SIPA1L2: variants seen among roughly 807,000 people sequenced by gnomAD.
SIPA1L2 encodes signal induced proliferation associated 1 like 2, also known as signal-induced proliferation-associated 1-like protein 2.
Under a neutral mutation model 163.9 loss-of-function variants are expected in SIPA1L2, and 56 were observed. That is an observed-to-expected ratio of 0.34 (90% CI 0.28 to 0.43). The LOEUF is 0.43. Ranked by LOEUF, SIPA1L2 falls within the 20% of genes least tolerant of loss-of-function variation. The probability of loss-of-function intolerance (pLI) is 1.00; values close to 1 mark genes in which losing one functional copy is unlikely to be tolerated. For synonymous variants in SIPA1L2, 877 were observed against 865.7 expected, an observed-to-expected ratio of 1.01 and a Z score of -0.23; for missense variants, 1,974 against 2,193.5, an observed-to-expected ratio of 0.90 and a Z score of 2.00.
At chr1:232,598,964 A>C (rs1277312566) in intron 1 of SIPA1L2, among the ~76,000 whole-genome samples, 1 of 67,438 alleles carries the variant, frequency 1.5e-5, no homozygotes, top group Non-Finnish European at 3.1e-5. Flanking sequence ...TCTACCCCTC[A>C]AAAAAAAAAA....
intron 1 of SIPA1L2, among the ~76,000 whole-genome samples, chr1:232,618,412 T>G (rs1415380351): frequency 6.6e-6 from 1 of 152,130 alleles, no homozygotes; most frequent in African/African-American, 2.4e-5. Context: ...TCCCAGCACT[T>G]TAGGAGGCCA....
At chr1:232,627,559 T>C (rs74145311) in intron 1 of SIPA1L2, among the ~76,000 whole-genome samples, 5,272 of 152,076 alleles carry the variant, frequency 0.035, 281 homozygotes, top group African/African-American at 0.12. Context: ...TCCAAATCCA[T>C]ATTACACAGC....
At chr1:232,580,330 T>G (rs1238134370) in intron 1 of SIPA1L2, among the ~76,000 whole-genome samples, 2 of 152,170 alleles carry the variant, frequency 1.3e-5, no homozygotes, top group East Asian at 1.9e-4. Flanking sequence ...TTGGTGAGTT[T>G]TGGCAGCTTC....
intron 1 of SIPA1L2, among the ~76,000 whole-genome samples, chr1:232,580,717 T>C (rs1362258719): frequency 6.6e-6 from 1 of 152,110 alleles, no homozygotes; most frequent in African/African-American, 2.4e-5. Context: ...TAATCTTGCC[T>C]AGATGAGGAC....
intron 1 of SIPA1L2, among the ~76,000 whole-genome samples, chr1:232,624,298 A>C (rs1320731286): frequency 6.6e-6 from 1 of 152,188 alleles, no homozygotes; most frequent in Non-Finnish European, 1.5e-5. Flanking sequence ...AAGAATCAAA[A>C]CTATAATTCC....
intron 1 of SIPA1L2, among the ~76,000 whole-genome samples, chr1:232,609,582 G>C (rs1293612896): frequency 6.6e-6 from 1 of 152,132 alleles, no homozygotes; most frequent in Non-Finnish European, 1.5e-5. Flanking sequence ...TGTAATCTCA[G>C]CATTTTGGGA....
chr1:232,452,998 A>G (rs1356272717), intron 10 of SIPA1L2, among the ~76,000 whole-genome samples: 1 of 152,206 alleles, frequency 6.6e-6, no homozygotes, highest in Non-Finnish European at 1.5e-5. Flanking sequence ...TAAACTGCAA[A>G]AGGCACATAA....
At chr1:232,614,810 C>A (rs1431889273) in intron 1 of SIPA1L2, among the ~76,000 whole-genome samples, 1 of 152,218 alleles carries the variant, frequency 6.6e-6, no homozygotes, top group Non-Finnish European at 1.5e-5. Flanking sequence ...TTTATTTTAA[C>A]CAAGAGTTTT....
chr1:232,440,848 C>A (rs1547740), intron 14 of SIPA1L2, among the ~76,000 whole-genome samples: 10,027 of 152,224 alleles, frequency 0.066, 580 homozygotes, highest in Admixed American at 0.18. Context: ...ACCACGTGGG[C>A]GGTGCTCTAC....
chr1:232,454,867 T>A (rs1011799582), intron 10 of SIPA1L2, among the ~76,000 whole-genome samples: 19 of 152,212 alleles, frequency 1.2e-4, no homozygotes, highest in African/African-American at 4.6e-4. Context: ...AAATCACTTT[T>A]AAATAGCCAA....
Position 232,439,260 on chromosome 1 carries a change from C to G in SIPA1L2, c.3879G>C (p.Arg1293=), listed in dbSNP as rs1482860834. 1 of 1,614,100 alleles carries G rather than the reference C, an allele frequency of 6.2e-7. No individual in the cohort carries two copies. Among genetic ancestry groups the G allele is most frequent in the Non-Finnish European group, 8.5e-7 (1 of 1,180,050 alleles). The change falls in exon 15 of 23, where the codon CGG becomes CGC. Residue 1293 remains arginine (R), a synonymous_variant. Transcript: ENST00000674635. ...CGGCAGCATCAGCCCACTGCTCGGC[C>G]CGGCTGTGGATCAGGGACCTGCTGC... is the stretch of plus-strand genomic sequence containing the variant. ...LAGSRSLIHS[R]AEQWADAADV... is the part of the protein sequence containing the mutation.
intron 7 of SIPA1L2, among the ~76,000 whole-genome samples, chr1:232,474,668 C>T (rs1399831014): frequency 1.3e-5 from 2 of 152,102 alleles, no homozygotes; most frequent in Non-Finnish European, 2.9e-5. Flanking sequence ...ATGCCAATTA[C>T]TCTGATGTGA....
chr1:232,621,748 T>G (rs1017130711), intron 1 of SIPA1L2, among the ~76,000 whole-genome samples: 6 of 152,258 alleles, frequency 3.9e-5, no homozygotes, highest in Admixed American at 2.0e-4. Context: ...TTTTTTTTTT[T>G]TGTGACAGGG....
chr1:232,569,424 G>A (rs1659589227), intron 2 of SIPA1L2, among the ~76,000 whole-genome samples: 1 of 152,226 alleles, frequency 6.6e-6, no homozygotes, highest in Admixed American at 6.5e-5. Flanking sequence ...AGCAGGCAAA[G>A]GATGCTGTCG....
At chr1:232,443,854 C>T (rs751612184) in intron 11 of SIPA1L2, among the ~76,000 whole-genome samples, 169 bp from the exon 12 acceptor site, 2 of 152,132 alleles carry the variant, frequency 1.3e-5, no homozygotes, top group African/African-American at 4.8e-5. Context: ...AACTAAGTAT[C>T]GGTGATGCCC....
chr1:232,439,445 T>A lies in SIPA1L2; in HGVS notation c.3694A>T (p.Asn1232Tyr). The change falls in exon 15 of 23, where the codon AAC (asparagine) becomes TAC (tyrosine). Residue 1232 changes from asparagine to tyrosine, a missense_variant. By Grantham distance (143) the Asn-to-Tyr change is moderately radical. Around this residue, in one of 3 missense-constraint regions of SIPA1L2, gnomAD observed 1,079 missense variants for 1,150.7 expected, o/e 0.94. Transcript: ENST00000674635. ...TTGTCGTCACTGTTGCTGGAGGTGTTGCTGGAGAGCGTGTTGCTGCTGGAG... is the reference window on the plus strand; with the variant it reads ...TTGTCGTCACTGTTGCTGGAGGTGTAGCTGGAGAGCGTGTTGCTGCTGGAG... ...SHSSSNTLSS[N>Y]TSSNSDDKHF... 6.2e-7 allele frequency: 1 copy of A among 1,614,190 alleles called. No homozygotes were observed. Among genetic ancestry groups the A allele is most frequent in the Non-Finnish European group, 8.5e-7 (1 of 1,180,022 alleles).
Position 232,439,166 on chromosome 1 carries a change from C to T in SIPA1L2, c.3973G>A (p.Ala1325Thr), listed in dbSNP as rs770273981. ...SVHGYASTIS[A>T]GSAAEGSMGD... ...ATGCTGCCTTCCGCAGCACTGCCGG[C>T]GGAGATGGTGGACGCGTAGCCATGC... Residue 1325 changes from alanine to threonine, a missense_variant, in exon 15 of 23, where the codon GCC becomes ACC. Ala to Thr is a moderately conservative substitution (Grantham distance 58). Transcript: ENST00000674635. The T allele has an allele frequency of 1.9e-5, 31 of 1,613,292 alleles. No individual in the cohort carries two copies. The highest frequency in any genetic ancestry group is 1.9e-4 in the South Asian group (17 of 91,066).
At chr1:232,400,535 G>A (rs968662732) in intron 22 of SIPA1L2, among the ~76,000 whole-genome samples, 5 of 152,116 alleles carry the variant, frequency 3.3e-5, no homozygotes, top group African/African-American at 1.2e-4. Flanking sequence ...GTTCAGGCCA[G>A]ATCTCCACTA....
At chr1:232,558,753 T>C (rs1051713900) in intron 2 of SIPA1L2, among the ~76,000 whole-genome samples, 1 of 152,228 alleles carries the variant, frequency 6.6e-6, no homozygotes, top group African/African-American at 2.4e-5. Context: ...TTTTTATGCA[T>C]GTTTTCTTTA....
Sources: gnomAD v4.1 joint callset for allele counts (sites outside exome capture counted in the v4.1 genomes callset) on GRCh38, gnomAD v4.1.1 for gene constraint, gnomAD v4.1.1 regional missense constraint, MANE v1.5 for transcripts, NCBI Gene and HGNC (gene_info 2026-07-23, HGNC 2026-07-21) for gene names.